Variants in ITPR1 observed in about 807,000 individuals in gnomAD.
ITPR1 encodes inositol 1,4,5-trisphosphate-gated calcium channel ITPR1.
Under a neutral mutation model 318.4 loss-of-function variants are expected in ITPR1, and 96 were observed. The observed-to-expected ratio is 0.30, with a 90% confidence interval of 0.26 to 0.36. ITPR1 has a LOEUF of 0.36. Among genes scored for constraint, ITPR1 ranks in the 10% least tolerant of loss-of-function variants. The pLI is 1.00. For missense variants in ITPR1, 2,440 were observed against 3,460.2 expected, an observed-to-expected ratio of 0.71 and a Z score of 7.40; for synonymous variants, 1,312 against 1,289.9, an observed-to-expected ratio of 1.02 and a Z score of -0.37.
chr3:4,793,377 T>C (rs1347573159), intron 52 of ITPR1, among the ~76,000 whole-genome samples: 1 of 152,194 alleles, frequency 6.6e-6, no homozygotes, highest in Non-Finnish European at 1.5e-5. Context: ...CAACTTTGTT[T>C]TATGAGCTTT....
chr3:4,528,036 C>A (rs2083123368), intron 4 of ITPR1, among the ~76,000 whole-genome samples: 2 of 152,178 alleles, frequency 1.3e-5, no homozygotes, highest in African/African-American at 2.4e-5. Context: ...CAATAGCCTA[C>A]TTCTCTGATC....
intron 55 of ITPR1, among the ~76,000 whole-genome samples, chr3:4,808,543 G>C (rs2048733948): frequency 6.6e-6 from 1 of 152,194 alleles, no homozygotes; most frequent in Non-Finnish European, 1.5e-5. Flanking sequence ...ACCAGATTAT[G>C]GTTGGCTGCC....
intron 23 of ITPR1, among the ~76,000 whole-genome samples, chr3:4,676,373 A>T (rs1186667835): frequency 6.6e-6 from 1 of 152,048 alleles, no homozygotes; most frequent in Non-Finnish European, 1.5e-5. Context: ...ATAAAATTTG[A>T]TGGGCAAGTT....
intron 43 of ITPR1, among the ~76,000 whole-genome samples, chr3:4,733,621 G>A (rs1427758792): frequency 6.6e-6 from 1 of 152,266 alleles, no homozygotes; most frequent in South Asian, 2.1e-4. Context: ...AATGCCAGGG[G>A]CTTTCCTAAG....
intron 49 of ITPR1, among the ~76,000 whole-genome samples, chr3:4,782,158 A>T (rs2046878047): frequency 6.6e-6 from 1 of 152,214 alleles, no homozygotes; most frequent in Non-Finnish European, 1.5e-5. Context: ...GGAAAATTTT[A>T]AAAATGAAGA....
chr3:4,643,601 G>A (rs867720914), intron 7 of ITPR1, among the ~76,000 whole-genome samples: 1 of 150,596 alleles, frequency 6.6e-6, no homozygotes, highest in Non-Finnish European at 1.5e-5. Flanking sequence ...GTTTTTTTGG[G>A]GGGGGGGTAA....
At chr3:4,612,392 A>G (rs536367119) in intron 4 of ITPR1, among the ~76,000 whole-genome samples, 1 of 152,186 alleles carries the variant, frequency 6.6e-6, no homozygotes, top group East Asian at 1.9e-4. Flanking sequence ...GCATCTGTGG[A>G]TTATGGAATC....
intron 6 of ITPR1, 126 bp from the exon 7 acceptor site, chr3:4,641,967 C>T (rs1444509652): frequency 1.2e-5 from 8 of 681,248 alleles, no homozygotes; most frequent in Non-Finnish European, 1.8e-5. Context: ...CTTTGTGATT[C>T]TCTGGCTTCA....
At chr3:4,544,018 C>T (rs1193815537) in intron 4 of ITPR1, among the ~76,000 whole-genome samples, 1 of 152,016 alleles carries the variant, frequency 6.6e-6, no homozygotes, top group Non-Finnish European at 1.5e-5. Flanking sequence ...TAAGGGACAA[C>T]ACAGTGAGCT....
At chr3:4,610,909 C>T (rs1411020072) in intron 4 of ITPR1, among the ~76,000 whole-genome samples, 1 of 97,418 alleles carries the variant, frequency 1.0e-5, no homozygotes, top group Admixed American at 1.0e-4. Flanking sequence ...CCCCCCTTCT[C>T]CTTCTCCTTC....
intron 60 of ITPR1, among the ~76,000 whole-genome samples, chr3:4,834,622 G>T (rs1459160564): frequency 6.6e-6 from 1 of 152,132 alleles, no homozygotes; most frequent in Non-Finnish European, 1.5e-5. Context: ...CCTCAGAGTT[G>T]CATAGTCCTT....
chr3:4,834,815 T>C (rs901513470), intron 60 of ITPR1, among the ~76,000 whole-genome samples: 1 of 152,176 alleles, frequency 6.6e-6, no homozygotes, highest in Non-Finnish European at 1.5e-5. Flanking sequence ...AACGATCTTT[T>C]GCCCATTGCT....
rs142038219 is a variant in ITPR1 at position 4,598,783 on chromosome 3, T to G, written c.164-28980T>G. Among the ~76,000 whole-genome samples the G allele has an allele frequency of 3.4e-3, 523 of 152,340 alleles. 1 individual carries two copies. Among genetic ancestry groups the G allele is most frequent in the African/African-American group, 0.012 (507 of 41,570 alleles). On this transcript the variant is annotated intron_variant, in intron 4 of 61. Coordinates refer to ENST00000649015, the MANE Select transcript of ITPR1 (RefSeq NM_001378452.1). ...GTTTTCCAAAATTATACCTAAAAAT[T>G]TGGGCTCTAAATCAGAGTGTTTCAA...
intron 10 of ITPR1, among the ~76,000 whole-genome samples, chr3:4,650,841 G>GTT (rs113498415): frequency 1.7e-3 from 264 of 152,260 alleles, no homozygotes; most frequent in African/African-American, 5.9e-3. Context: ...CATGGGTCAC[G>GTT]TTTTTCTGAT....
intron 30 of ITPR1, among the ~76,000 whole-genome samples, chr3:4,686,464 T>A (rs144447896): frequency 1.3e-5 from 2 of 152,214 alleles, no homozygotes; most frequent in African/African-American, 4.8e-5. Context: ...TACTTCCTTG[T>A]GTGTAAGGAA....
rs1326442056 is a variant in ITPR1 at position 4,733,143 on chromosome 3, C to T, written c.5276C>T (p.Ser1759Leu). The T allele has an allele frequency of 6.8e-6, 11 of 1,613,876 alleles. No individual in the cohort carries two copies. The highest frequency in any genetic ancestry group is 2.2e-5 in the East Asian group (1 of 44,876). ...VNRYYGNVRP[S>L]GRRESLTSFG... ...CGTTACTATGGAAACGTCAGACCTT[C>T]GGGACGAAGAGAGAGCCTTACCAGC... The change falls in exon 43 of 62, where the codon TCG (serine) becomes TTG (leucine). Residue 1759 changes from serine to leucine, a missense_variant. Ser to Leu is a moderately radical substitution (Grantham distance 145). Coordinates refer to ENST00000649015, the MANE Select transcript of ITPR1 (RefSeq NM_001378452.1).
intron 4 of ITPR1, among the ~76,000 whole-genome samples, chr3:4,588,650 C>G (rs529998279): frequency 6.6e-6 from 1 of 152,254 alleles, no homozygotes; most frequent in Middle Eastern, 3.4e-3. Flanking sequence ...AGATTTGTTT[C>G]TCCAGTGCCC....
Position 4,658,168 on chromosome 3 carries a change from C to T in ITPR1, c.1041C>T (p.Ala347=), listed in dbSNP as rs1266540904. The T allele has an allele frequency of 6.2e-7, 1 of 1,613,224 alleles. No homozygotes were observed. Among genetic ancestry groups the T allele is most frequent in the Non-Finnish European group, 8.5e-7 (1 of 1,179,500 alleles). The change falls in exon 13 of 62, where the codon GCC becomes GCT. Residue 347 remains alanine (A), a synonymous_variant. Coordinates refer to ENST00000649015, the MANE Select transcript of ITPR1 (RefSeq NM_001378452.1). ...CCTCTCGAAGTAGGTTGCGGAATGC[C>T]CAAGAAAAGATGGTATACTCCCTGG... The part of the protein sequence containing the change: ...QDASRSRLRN[A]QEKMVYSLVS...
chr3:4,663,167 A>C lies in ITPR1; in HGVS notation c.1515A>C (p.Glu505Asp). 6.2e-7 allele frequency: 1 copy of C among 1,613,720 alleles called. No individual in the cohort carries two copies. Among genetic ancestry groups the C allele is most frequent in the African/African-American group, 1.3e-5 (1 of 75,032 alleles). The change falls in exon 16 of 62, where the codon GAA becomes GAC. Residue 505 changes from glutamate (E) to aspartate (D), a missense_variant. This residue lies in a region of ITPR1 where 478 missense variants were observed against 696.3 expected (regional missense o/e 0.69). Coordinates refer to ENST00000649015, the MANE Select transcript of ITPR1 (RefSeq NM_001378452.1). ...TTGTCTTCTCCAAGCCCAACAGAGA[A>C]CGGCAGAAACTGATGAGAGAACAGA... ...LEVVFSKPNR[E>D]RQKLMREQNI...
Sources: allele counts gnomAD v4.1 joint callset (sites outside exome capture counted in the v4.1 genomes callset), GRCh38; gene constraint gnomAD v4.1.1; regional missense constraint gnomAD v4.1.1; transcripts MANE v1.5; gene names NCBI Gene and HGNC (gene_info 2026-07-23, HGNC 2026-07-21).